The following CSMD1 variants were observed in gnomAD, a reference collection of about 807,000 sequenced individuals.
CSMD1 encodes the protein CUB and Sushi multiple domains 1.
Under a neutral mutation model 417.5 loss-of-function variants are expected in CSMD1, and 213 were observed. The ratio of observed to expected loss-of-function variants is 0.51; its 90% CI spans 0.46 to 0.57. CSMD1 has a LOEUF of 0.57. Among genes scored for constraint, CSMD1 ranks in the 20% least tolerant of loss-of-function variants. The pLI, the probability that CSMD1 is intolerant of heterozygous loss-of-function variation, is 0.00. For synonymous variants in CSMD1, 2,862 were observed against 1,736.8 expected, an observed-to-expected ratio of 1.65 and a Z score of -16.11; for missense variants, 6,923 against 4,529.7, an observed-to-expected ratio of 1.53 and a Z score of -15.17.
intron 5 of CSMD1, among the ~76,000 whole-genome samples, chr8:3,903,564 T>C (rs1807908495): frequency 6.6e-6 from 1 of 152,200 alleles, no homozygotes; most frequent in African/African-American, 2.4e-5. Flanking sequence ...TTTCAATGTG[T>C]AGAATATTAC....
At chr8:3,503,288 G>A (rs922325219) in intron 10 of CSMD1, among the ~76,000 whole-genome samples, 2 of 152,188 alleles carry the variant, frequency 1.3e-5, no homozygotes, top group African/African-American at 4.8e-5. Flanking sequence ...TAAACACTAG[G>A]AGTCTCTTAT....
intron 4 of CSMD1, among the ~76,000 whole-genome samples, chr8:4,012,334 C>G (rs927301502): frequency 2.6e-4 from 39 of 152,140 alleles, no homozygotes; most frequent in Non-Finnish European, 5.1e-4. Context: ...GTCCAAGATT[C>G]ATTCTCTTCA....
chr8:3,153,924 C>T (rs770873274), intron 39 of CSMD1, among the ~76,000 whole-genome samples: 4 of 152,150 alleles, frequency 2.6e-5, no homozygotes, highest in Admixed American at 6.6e-5. Context: ...AATAGATAAG[C>T]GTAAAAACAG....
intron 3 of CSMD1, among the ~76,000 whole-genome samples, chr8:4,287,817 C>G (rs995731434): frequency 1.3e-5 from 2 of 151,868 alleles, no homozygotes; most frequent in Non-Finnish European, 2.9e-5. Context: ...TCTCTGTGGC[C>G]CACTGAATGC....
At chr8:4,667,566 G>C (rs753718377) in intron 1 of CSMD1, among the ~76,000 whole-genome samples, 7 of 151,930 alleles carry the variant, frequency 4.6e-5, no homozygotes, top group Non-Finnish European at 1.0e-4. Flanking sequence ...TCAAAATTCA[G>C]ATTTTTATAT....
intron 21 of CSMD1, among the ~76,000 whole-genome samples, chr8:3,355,639 T>A (rs1416662046): frequency 1.3e-5 from 2 of 152,106 alleles, no homozygotes; most frequent in Non-Finnish European, 2.9e-5. Context: ...TGATATGAGA[T>A]CAGGAAGCCA....
At chr8:3,965,078 G>A (rs548654460) in intron 5 of CSMD1, among the ~76,000 whole-genome samples, 137 of 152,138 alleles carry the variant, frequency 9.0e-4, no homozygotes, top group African/African-American at 2.1e-3. Context: ...AGCACTCGCC[G>A]CAGTAGCTGA....
intron 52 of CSMD1, among the ~76,000 whole-genome samples, chr8:3,005,621 A>C (rs1274547785): frequency 1.3e-5 from 2 of 152,206 alleles, no homozygotes; most frequent in Admixed American, 6.5e-5. Flanking sequence ...GTTCAATTAC[A>C]CAAATCAATA....
At chr8:4,611,327 G>C (rs1210023500) in intron 2 of CSMD1, among the ~76,000 whole-genome samples, 1 of 152,128 alleles carries the variant, frequency 6.6e-6, no homozygotes, top group East Asian at 1.9e-4. Context: ...CCTCTTTGAA[G>C]ACTACACAAA....
intron 16 of CSMD1, among the ~76,000 whole-genome samples, chr8:3,397,343 A>G (rs1290979910): frequency 1.3e-5 from 2 of 152,182 alleles, no homozygotes; most frequent in African/African-American, 4.8e-5. Flanking sequence ...AAGCAATCTT[A>G]GCCTCATGGC....
chr8:4,825,796 G>T (rs78815583), intron 1 of CSMD1, among the ~76,000 whole-genome samples: 3 of 134,822 alleles, frequency 2.2e-5, no homozygotes, highest in Non-Finnish European at 3.3e-5. Context: ...AAAAAAAAAA[G>T]AAAAAAAAAA....
chr8:4,481,627 G>C (rs564059268), intron 2 of CSMD1, among the ~76,000 whole-genome samples: 4 of 152,046 alleles, frequency 2.6e-5, no homozygotes, highest in Admixed American at 6.6e-5. Flanking sequence ...TAACACATGA[G>C]GAAATAAAAG....
At chr8:4,089,985 G>T (rs572696032) in intron 3 of CSMD1, among the ~76,000 whole-genome samples, 1 of 152,116 alleles carries the variant, frequency 6.6e-6, no homozygotes, top group Non-Finnish European at 1.5e-5. Context: ...CCGCTATAAT[G>T]GAAACCTACT....
chr8:4,500,411 T>C (rs1802202517), intron 2 of CSMD1, among the ~76,000 whole-genome samples: 1 of 152,134 alleles, frequency 6.6e-6, no homozygotes, highest in African/African-American at 2.4e-5. Flanking sequence ...TAATGAACTA[T>C]TACTGTAGAC....
At chr8:4,164,428 A>G (rs758103761) in intron 3 of CSMD1, among the ~76,000 whole-genome samples, 1 of 152,134 alleles carries the variant, frequency 6.6e-6, no homozygotes, top group Non-Finnish European at 1.5e-5. Context: ...TGAGGGTTGC[A>G]GGTGACCTCT....
intron 3 of CSMD1, among the ~76,000 whole-genome samples, chr8:4,239,523 T>A (rs905331176): frequency 3.3e-5 from 5 of 152,090 alleles, no homozygotes; most frequent in African/African-American, 9.7e-5. Flanking sequence ...AGAGCTGGTT[T>A]TGGTGGTTCC....
intron 5 of CSMD1, among the ~76,000 whole-genome samples, chr8:3,849,733 C>G (rs1023143367): frequency 4.6e-5 from 7 of 152,136 alleles, no homozygotes; most frequent in Non-Finnish European, 1.0e-4. Context: ...TAAACTCAAT[C>G]TTTATGAAGC....
intron 63 of CSMD1, 34 bp from the exon 64 acceptor site, chr8:2,955,802 T>G (rs940957088): frequency 6.2e-6 from 10 of 1,600,434 alleles, no homozygotes; most frequent in Non-Finnish European, 8.5e-6. Context: ...GAGACTTTGT[T>G]TATTGTAAAG....
At chr8:3,982,857 C>G (rs1428554587) in intron 5 of CSMD1, among the ~76,000 whole-genome samples, 1 of 152,194 alleles carries the variant, frequency 6.6e-6, no homozygotes, top group Non-Finnish European at 1.5e-5. Context: ...CTACGCATAC[C>G]AAGGACAAAG....
Sources: allele counts gnomAD v4.1 joint callset (sites outside exome capture counted in the v4.1 genomes callset), GRCh38; gene constraint gnomAD v4.1.1; transcripts MANE v1.5; gene names NCBI Gene and HGNC (gene_info 2026-07-23, HGNC 2026-07-21).